Variants in SLC14A2 observed in about 807,000 individuals in gnomAD.
SLC14A2 encodes urea transporter 2.
SLC14A2 carries 91 observed loss-of-function variants against 104.6 expected under a neutral mutation model. That is an observed-to-expected ratio of 0.87 (90% CI 0.73 to 1.04). The LOEUF (loss-of-function observed/expected upper bound fraction) is 1.04, where lower values mean the gene tolerates loss of function less well. Ranked by LOEUF, SLC14A2 falls within the 50% of genes least tolerant of loss-of-function variation. The pLI, the probability that SLC14A2 is intolerant of heterozygous loss-of-function variation, is 0.00. For missense variants in SLC14A2, 1,189 were observed against 1,156.0 expected (o/e 1.03, Z -0.41); for synonymous variants, 476 against 466.4 (o/e 1.02, Z -0.27).
At chr18:45,274,811 T>C (rs1242744745) in intron 1 of SLC14A2, among the ~76,000 whole-genome samples, 1 of 152,226 alleles carries the variant, frequency 6.6e-6, no homozygotes, top group Non-Finnish European at 1.5e-5. Context: ...TTGAACATCA[T>C]TTGCTCCTTA....
At chr18:45,446,078 T>C (rs1016145623) in intron 1 of SLC14A2, among the ~76,000 whole-genome samples, 1 of 152,214 alleles carries the variant, frequency 6.6e-6, no homozygotes, top group Non-Finnish European at 1.5e-5. Context: ...ATTAATGATA[T>C]TTACCTCTTG....
intron 2 of SLC14A2, among the ~76,000 whole-genome samples, chr18:45,492,554 T>C (rs2043020792): frequency 6.6e-6 from 1 of 152,100 alleles, no homozygotes; most frequent in African/African-American, 2.4e-5. Context: ...TCCAATCACT[T>C]CCCTCAGTCC....
intron 1 of SLC14A2, among the ~76,000 whole-genome samples, chr18:45,284,681 C>A (rs547644470): frequency 2.8e-4 from 42 of 151,912 alleles, no homozygotes; most frequent in Admixed American, 8.5e-4. Context: ...TTTCTTTTTT[C>A]CTGGTTGGAT....
At chr18:45,627,583 G>A (rs1446150363) in intron 4 of SLC14A2, among the ~76,000 whole-genome samples, 1 of 152,216 alleles carries the variant, frequency 6.6e-6, no homozygotes, top group African/African-American at 2.4e-5. Flanking sequence ...GGATCTGAGA[G>A]AAGGCGAGGA....
chr18:45,413,660 A>T (rs2086238525), intron 1 of SLC14A2, among the ~76,000 whole-genome samples: 1 of 152,176 alleles, frequency 6.6e-6, no homozygotes, highest in Non-Finnish European at 1.5e-5. Context: ...CTTGAGCTCC[A>T]GCATTGTTGT....
intron 2 of SLC14A2, among the ~76,000 whole-genome samples, chr18:45,506,959 G>A (rs1014683353): frequency 1.3e-5 from 2 of 152,156 alleles, no homozygotes; most frequent in African/African-American, 4.8e-5. Context: ...TCCTCAAGGG[G>A]ATATCACCAC....
At chr18:45,615,614 T>C (rs1459576373) in intron 1 of SLC14A2, 32 bp downstream of exon 1, 2 of 151,620 alleles carry the variant, frequency 1.3e-5, no homozygotes, top group Non-Finnish European at 2.9e-5. Context: ...TTTTTTTTTT[T>C]CTAATAAATC....
In SLC14A2 at chr18:45,669,300, C is replaced by A. The variant is rs2046086553; in HGVS notation, c.2037-6C>A. ...TGACCAGCATCTCTCATGCTTCTGCCATCAGCCCCATCCTCTCCAGTGCCC... is the reference window on the plus strand; with the variant it reads ...TGACCAGCATCTCTCATGCTTCTGCAATCAGCCCCATCCTCTCCAGTGCCC... On this transcript the variant is annotated splice_region_variant and splice_polypyrimidine_tract_variant and intron_variant, in intron 15 of 19. Transcript: ENST00000255226. The A allele has an allele frequency of 6.2e-7, 1 of 1,608,684 alleles. No homozygotes were observed. The highest frequency in any genetic ancestry group is 1.1e-5 in the South Asian group (1 of 89,996).
At chr18:45,626,003 G>T in intron 3 of SLC14A2, 140 bp downstream of exon 3, 1 of 535,292 alleles carries the variant, frequency 1.9e-6, no homozygotes, top group East Asian at 3.5e-5. Context: ...ACCTCACCCA[G>T]GGCTGGAGTC....
chr18:45,186,784 T>G, the SLC14A2 span, among the ~76,000 whole-genome samples: 1 of 152,184 alleles, frequency 6.6e-6, no homozygotes, highest in Non-Finnish European at 1.5e-5. Flanking sequence ...GAAGACTGGG[T>G]GTAACCTACT....
intron 2 of SLC14A2, among the ~76,000 whole-genome samples, chr18:45,511,835 G>T (rs1047350171): frequency 1.3e-5 from 2 of 152,190 alleles, no homozygotes; most frequent in African/African-American, 2.4e-5. Flanking sequence ...ATCCCAAGGT[G>T]CTTGGTGATA....
intron 1 of SLC14A2, among the ~76,000 whole-genome samples, chr18:45,268,628 A>C (rs2084617436): frequency 6.6e-6 from 1 of 152,218 alleles, no homozygotes; most frequent in African/African-American, 2.4e-5. Flanking sequence ...GAGATTTGGA[A>C]GCACCTAGTA....
At chr18:45,330,940 A>C (rs946482452) in intron 1 of SLC14A2, among the ~76,000 whole-genome samples, 7 of 152,238 alleles carry the variant, frequency 4.6e-5, no homozygotes, top group African/African-American at 1.7e-4. Context: ...CCACACAAAC[A>C]TGGAAGTGCT....
At chr18:45,465,052 G>A (rs2087115206) in intron 1 of SLC14A2, among the ~76,000 whole-genome samples, 1 of 152,102 alleles carries the variant, frequency 6.6e-6, no homozygotes. Flanking sequence ...AACAGACAAT[G>A]GAAGGGACAG....
chr18:45,196,990 G>T, the SLC14A2 span, among the ~76,000 whole-genome samples: 2 of 152,198 alleles, frequency 1.3e-5, no homozygotes, highest in African/African-American at 4.8e-5. Context: ...GGTAGACTTG[G>T]ACTAATGTTG....
intron 1 of SLC14A2, among the ~76,000 whole-genome samples, chr18:45,303,969 T>C (rs1367092148): frequency 6.6e-6 from 1 of 152,174 alleles, no homozygotes; most frequent in Non-Finnish European, 1.5e-5. Context: ...AATTAACAAC[T>C]GAAGTGTTTT....
intron 1 of SLC14A2, among the ~76,000 whole-genome samples, chr18:45,238,171 G>T (rs190450831): frequency 1.3e-5 from 2 of 152,308 alleles, no homozygotes; most frequent in Admixed American, 1.3e-4. Context: ...CTAGCAGATG[G>T]TTATGGTCTT....
intron 1 of SLC14A2, among the ~76,000 whole-genome samples, chr18:45,619,997 C>T (rs879753256): frequency 2.0e-5 from 3 of 152,244 alleles, no homozygotes; most frequent in Non-Finnish European, 4.4e-5. Flanking sequence ...GGAGCAGCCC[C>T]ACCTCACAGC....
intron 1 of SLC14A2, among the ~76,000 whole-genome samples, chr18:45,291,605 C>T (rs936185377): frequency 3.3e-5 from 5 of 152,162 alleles, no homozygotes; most frequent in Non-Finnish European, 7.3e-5. Context: ...AAAATCCTGA[C>T]AGCAAAGGGC....
Sources: gnomAD v4.1 joint callset for allele counts (sites outside exome capture counted in the v4.1 genomes callset) on GRCh38, gnomAD v4.1.1 for gene constraint, MANE v1.5 for transcripts, NCBI Gene and HGNC (gene_info 2026-07-23, HGNC 2026-07-21) for gene names.